The following EPB41L3 variants were observed in gnomAD, a reference collection of about 807,000 sequenced individuals.
EPB41L3 encodes erythrocyte membrane protein band 4.1 like 3.
Under a neutral mutation model 127.1 loss-of-function variants are expected in EPB41L3, and 57 were observed. The ratio of observed to expected loss-of-function variants is 0.45; its 90% CI spans 0.36 to 0.56. EPB41L3 has a LOEUF of 0.56. EPB41L3 is among the 20% of genes least tolerant of loss of function. The pLI, the probability that EPB41L3 is intolerant of heterozygous loss-of-function variation, is 0.00. For synonymous variants in EPB41L3, 572 were observed against 549.5 expected, an observed-to-expected ratio of 1.04 and a Z score of -0.57; for missense variants, 1,273 against 1,372.2, an observed-to-expected ratio of 0.93 and a Z score of 1.14.
chr18:5,489,010 C>T lies in EPB41L3; in HGVS notation c.174G>A (p.Val58=). 1 of 1,582,878 alleles carries T rather than the reference C, an allele frequency of 6.3e-7. No individual in the cohort carries two copies. Among genetic ancestry groups the T allele is most frequent in the Non-Finnish European group, 8.5e-7 (1 of 1,173,472 alleles). The part of the protein sequence containing the change: ...FAAAAAHSTP[V]RREVTDKEQE... The stretch of plus-strand genomic sequence containing the variant: ...TCTGGCCTGGGCTCACCTCCCTCCG[C>T]ACCGGGGTGCTGTGCGCTGCAGCGG... Residue 58 remains valine (V), a synonymous_variant, in exon 2 of 23, where the codon GTG becomes GTA. Transcript: ENST00000341928.
upstream of EPB41L3, among the ~76,000 whole-genome samples, chr18:5,545,635 C>A (rs2093864848): frequency 2.6e-5 from 4 of 152,084 alleles, no homozygotes; most frequent in South Asian, 8.3e-4. Context: ...GAAAACTAAT[C>A]TTATGGCTCT....
At chr18:5,441,134 C>G (rs2080659350) in intron 5 of EPB41L3, among the ~76,000 whole-genome samples, 1 of 152,190 alleles carries the variant, frequency 6.6e-6, no homozygotes, top group South Asian at 2.1e-4. Flanking sequence ...TCAAGTGGTC[C>G]TCCTGTCTTG....
At chr18:5,423,956 A>C (rs1386351330) in intron 10 of EPB41L3, among the ~76,000 whole-genome samples, 2 of 152,206 alleles carry the variant, frequency 1.3e-5, no homozygotes, top group East Asian at 1.9e-4. Flanking sequence ...AATCACTGAA[A>C]TAGTAAGGAA....
rs956366516 is a variant in EPB41L3 at position 5,592,054 on chromosome 18, A to C, written c.-306+20286T>G. Among the ~76,000 whole-genome samples the C allele has an allele frequency of 2.0e-5, 3 of 152,262 alleles. No individual in the cohort carries two copies. In the East Asian group the frequency reaches 5.8e-4, roughly 29 times the overall value. On this transcript the variant is annotated intron_variant, in intron 3 of 21. Transcript: ENST00000545076. Reference sequence around the variant, plus strand: ...CTTCAGCATCTTGACTCTTAAAAACAGAAAAAAACAATGAGCTAATCAACT... The same window carrying C: ...CTTCAGCATCTTGACTCTTAAAAACCGAAAAAAACAATGAGCTAATCAACT...
At chr18:5,561,159 A>G (rs1031067592) in intron 3 of EPB41L3, among the ~76,000 whole-genome samples, 1 of 151,192 alleles carries the variant, frequency 6.6e-6, no homozygotes, top group Non-Finnish European at 1.5e-5. Context: ...TTGTATTTTC[A>G]GTAGAGACGG....
intron 3 of EPB41L3, among the ~76,000 whole-genome samples, chr18:5,564,003 G>A (rs1038065067): frequency 2.0e-5 from 3 of 152,144 alleles, no homozygotes; most frequent in Non-Finnish European, 2.9e-5. Flanking sequence ...AACAAGCGCT[G>A]TCTTGAGGAA....
At chr18:5,605,225 T>C (rs180996588) in intron 3 of EPB41L3, among the ~76,000 whole-genome samples, 1 of 152,168 alleles carries the variant, frequency 6.6e-6, no homozygotes, top group Non-Finnish European at 1.5e-5. Context: ...TGCCCAGCCC[T>C]GCTTTCTTCC....
chr18:5,547,603 T>C (rs1329457335), upstream of EPB41L3, among the ~76,000 whole-genome samples: 1 of 152,146 alleles, frequency 6.6e-6, no homozygotes, highest in Non-Finnish European at 1.5e-5. Flanking sequence ...TTTATATCAC[T>C]GAAGGTCACC....
chr18:5,470,810 G>A lies in EPB41L3; in HGVS notation c.381+7431C>T, dbSNP rs749211892. On this transcript the variant is annotated intron_variant, in intron 3 of 22. Coordinates refer to ENST00000341928, the MANE Select transcript of EPB41L3 (RefSeq NM_012307.5). ...CTTCTAGAAAGAAGTCGGGTAAAGC[G>A]CATTGGTAGCAGACAGTCCTGTACT... Among the ~76,000 whole-genome samples, 6 of 152,172 alleles carry A rather than the reference G, an allele frequency of 3.9e-5. No homozygotes were observed. In the South Asian group the frequency reaches 6.2e-4, roughly 16 times the overall value.
intron 3 of EPB41L3, among the ~76,000 whole-genome samples, chr18:5,468,452 G>A (rs190358880): frequency 8.5e-5 from 13 of 152,254 alleles, no homozygotes; most frequent in East Asian, 1.9e-4. Context: ...CAGTCAGCAC[G>A]TACTTCCTCC....
chr18:5,576,591 T>C (rs945059605), intron 3 of EPB41L3, among the ~76,000 whole-genome samples: 2 of 152,206 alleles, frequency 1.3e-5, no homozygotes, highest in African/African-American at 2.4e-5. Context: ...TGTTGAAATA[T>C]ATTTTCCCAA....
At chr18:5,495,716 G>A (rs1350326548) in intron 1 of EPB41L3, among the ~76,000 whole-genome samples, 3 of 152,166 alleles carry the variant, frequency 2.0e-5, no homozygotes, top group Non-Finnish European at 4.4e-5. Flanking sequence ...GAATAAATAA[G>A]AGCGCAGGGA....
intron 3 of EPB41L3, among the ~76,000 whole-genome samples, chr18:5,468,683 C>T (rs1334771071): frequency 1.3e-5 from 2 of 152,206 alleles, no homozygotes; most frequent in African/African-American, 2.4e-5. Flanking sequence ...CCCGCAGAGG[C>T]GGGCAGATCA....
chr18:5,509,271 A>G (rs2092394941), intron 1 of EPB41L3, among the ~76,000 whole-genome samples: 1 of 152,184 alleles, frequency 6.6e-6, no homozygotes, highest in Non-Finnish European at 1.5e-5. Context: ...ACACCCTCTC[A>G]ACCTTGGAGG....
chr18:5,518,006 T>A (rs147588516), intron 1 of EPB41L3, among the ~76,000 whole-genome samples: 1 of 152,250 alleles, frequency 6.6e-6, no homozygotes, highest in Admixed American at 6.5e-5. Flanking sequence ...GTCACCAGCA[T>A]CCCTTAGCTA....
intron 16 of EPB41L3, chr18:5,399,592 T>A: frequency 2.6e-6 from 1 of 384,310 alleles, no homozygotes; most frequent in Non-Finnish European, 4.6e-6. Flanking sequence ...ATACATTCGG[T>A]AGGTAGAGTT....
At chr18:5,538,137 G>A (rs1348349458) in intron 1 of EPB41L3, among the ~76,000 whole-genome samples, 1 of 152,062 alleles carries the variant, frequency 6.6e-6, no homozygotes, top group African/African-American at 2.4e-5. Context: ...GTTATTCAAC[G>A]CATAAAGAAA....
chr18:5,395,520 G>C, intron 20 of EPB41L3, 89 bp downstream of exon 20: 2 of 1,256,592 alleles, frequency 1.6e-6, no homozygotes, highest in Non-Finnish European at 2.3e-6. Flanking sequence ...CCTTGTGCTT[G>C]TGCAGCCCAA....
chr18:5,520,303 G>A (rs1418138398), intron 1 of EPB41L3, among the ~76,000 whole-genome samples: 1 of 152,078 alleles, frequency 6.6e-6, no homozygotes, highest in African/African-American at 2.4e-5. Flanking sequence ...GGGTAGTTAA[G>A]CACCTCCCCT....
Sources: gnomAD v4.1 joint callset for allele counts (sites outside exome capture counted in the v4.1 genomes callset) on GRCh38, gnomAD v4.1.1 for gene constraint, MANE v1.5 for transcripts, NCBI Gene and HGNC (gene_info 2026-07-23, HGNC 2026-07-21) for gene names.